Variants in STRADA observed in about 807,000 individuals in gnomAD.
STRADA encodes the protein STE20-related kinase adapter protein alpha.
In STRADA, 26 loss-of-function variants were observed where a neutral mutation model predicts 55.0. The observed-to-expected ratio is 0.47, with a 90% confidence interval of 0.35 to 0.66. The LOEUF is 0.66. Among genes scored for constraint, STRADA ranks in the 30% least tolerant of loss-of-function variants. The pLI is 0.01. For synonymous variants in STRADA, 197 were observed against 210.9 expected (o/e 0.93, Z 0.57); for missense variants, 443 against 549.7 (o/e 0.81, Z 1.94).
chr17:63,722,210 T>C (rs1238987943), intron 4 of STRADA, among the ~76,000 whole-genome samples: 1 of 152,252 alleles, frequency 6.6e-6, no homozygotes, highest in Non-Finnish European at 1.5e-5. Context: ...TTTATTCATT[T>C]TGAAGCATCT....
At chr17:63,733,551 G>A (rs1184822965) in intron 1 of STRADA, among the ~76,000 whole-genome samples, 1 of 152,058 alleles carries the variant, frequency 6.6e-6, no homozygotes, top group African/African-American at 2.4e-5. Flanking sequence ...TTACAGACTG[G>A]GATTCTGCAG....
At chr17:63,706,498 G>A (rs1006790049) in intron 10 of STRADA, 137 bp downstream of exon 10, 3 of 692,048 alleles carry the variant, frequency 4.3e-6, no homozygotes, top group African/African-American at 1.8e-5. Context: ...ATCCCCCACT[G>A]GGTGGGACTT....
At chr17:63,738,652 G>A (rs1415740494) in intron 1 of STRADA, among the ~76,000 whole-genome samples, 1 of 151,590 alleles carries the variant, frequency 6.6e-6, no homozygotes, top group African/African-American at 2.4e-5. Flanking sequence ...GAGCTCCGCA[G>A]TTCCACACTG....
At position 63,710,846 on chromosome 17, in the gene STRADA, A is replaced by G. The variant is rs770206059; in HGVS notation, c.349-10T>C. 3.8e-5 allele frequency: 62 copies of G among 1,613,550 alleles called. No individual in the cohort carries two copies. The highest frequency in any genetic ancestry group is 5.3e-5 in the Non-Finnish European group (62 of 1,179,636). On this transcript the variant is annotated splice_polypyrimidine_tract_variant and intron_variant, in intron 6 of 12. Coordinates refer to ENST00000336174, the MANE Select transcript of STRADA (RefSeq NM_001003787.4). ...AGACATGCAGCTCGCCCTGGAAGCA[A>G]TGATGAAGCTGAAGTCAGAACCAAA...
At chr17:63,707,210 G>A (rs2036153552) in intron 9 of STRADA, 37 bp downstream of exon 9, 4 of 1,607,282 alleles carry the variant, frequency 2.5e-6, no homozygotes, top group Non-Finnish European at 3.4e-6. Flanking sequence ...GGAATCATGA[G>A]TTGGGTAGGG....
At chr17:63,721,148 C>T (rs545752741) in intron 4 of STRADA, among the ~76,000 whole-genome samples, 3 of 150,364 alleles carry the variant, frequency 2.0e-5, no homozygotes, top group South Asian at 2.1e-4. Flanking sequence ...CCGAGGCAGG[C>T]GGATCACAAG....
intron 1 of STRADA, among the ~76,000 whole-genome samples, chr17:63,729,620 A>G (rs1349532595): frequency 6.6e-6 from 1 of 151,854 alleles, no homozygotes; most frequent in Non-Finnish European, 1.5e-5. Flanking sequence ...CCCTGTCTCT[A>G]CTAAAAATAC....
rs560641077 is a variant in STRADA, at chr17:63,731,522, C to T, written c.-44-3109G>A. Among the ~76,000 whole-genome samples the T allele has an allele frequency of 7.2e-5, 11 of 152,092 alleles. 1 individual carries two copies. The South Asian group carries it at 2.1e-3, about 29-fold the overall frequency. ...CTCGTGATCCGTCCGCCTTGGCCTC[C>T]CAAAGTGCTGGGATTACAGGCATGA... On this transcript the variant is annotated intron_variant, in intron 1 of 12. Transcript: ENST00000336174.
intron 1 of STRADA, among the ~76,000 whole-genome samples, chr17:63,740,900 C>G (rs1484201104): frequency 6.6e-6 from 1 of 152,170 alleles, no homozygotes; most frequent in Non-Finnish European, 1.5e-5. Flanking sequence ...GGCAGGTGAT[C>G]AAATTTGGTT....
At position 63,704,931 on chromosome 17, in the gene STRADA, T is replaced by G. The variant is rs1235907298; in HGVS notation, c.859-349A>C. The G allele has an allele frequency of 5.9e-6, 9 of 1,533,836 alleles. No individual in the cohort carries two copies. The South Asian group carries it at 9.5e-5, about 16-fold the overall frequency. On this transcript the variant is annotated intron_variant, in intron 10 of 12. Transcript: ENST00000336174. ...ACCCTAGAGGGAAGGAGCAGTCAGA[T>G]GAACCTGCTTTGAAGCCCAGCCGTC...
chr17:63,714,005 C>G lies in STRADA; in HGVS notation c.226+1G>C. ...AGAGTAAGGACGGCCCCTGCACATACCTATCACAGTGAGCAGCTCGTAACA... is the reference window on the plus strand; with the variant it reads ...AGAGTAAGGACGGCCCCTGCACATAGCTATCACAGTGAGCAGCTCGTAACA... On this transcript the variant is annotated splice_donor_variant, in intron 5 of 12. Transcript: ENST00000336174. LOFTEE classifies it high-confidence loss of function. The G allele has an allele frequency of 6.2e-7, 1 of 1,612,930 alleles. No individual in the cohort carries two copies. The highest frequency in any genetic ancestry group is 2.2e-5 in the East Asian group (1 of 44,862).
chr17:63,728,737 A>T lies in STRADA; in HGVS notation c.-44-324T>A, dbSNP rs1313292638. Among the ~76,000 whole-genome samples the T allele has an allele frequency of 2.1e-4, 3 of 14,376 alleles. 1 individual carries two copies. Among genetic ancestry groups the T allele is most frequent in the African/African-American group, 5.0e-3 (2 of 398 alleles). 9.4% of individuals were successfully genotyped at this position (14,376 alleles called of 152,430 possible). Reference sequence around the variant, plus strand: ...AACATGGTGAAACCCCATCTCTATAAAAAAAAAAAAAAAAAAAAAAAAAGC... The same window carrying T: ...AACATGGTGAAACCCCATCTCTATATAAAAAAAAAAAAAAAAAAAAAAAGC... On this transcript the variant is annotated intron_variant, in intron 1 of 12. Transcript: ENST00000336174.
In STRADA at chr17:63,726,563, T is replaced by C. The variant is rs570156677; in HGVS notation, c.94+75A>G. 11 of 1,437,830 alleles carry C rather than the reference T, an allele frequency of 7.7e-6. No individual in the cohort carries two copies. The East Asian group carries it at 9.3e-5, about 12-fold the overall frequency. The allele number at this position is 1,437,830 out of a possible 1,614,324, so 89.1% of individuals were successfully genotyped here. A position where few individuals can be genotyped will look rare whatever the true frequency, so the allele number is the denominator to read the frequency against. On this transcript the variant is annotated intron_variant, in intron 3 of 12. Coordinates refer to ENST00000336174, the MANE Select transcript of STRADA (RefSeq NM_001003787.4). ...TTGCCCTTAGAATTGCCAATTGCTATAGATTGATTTAGTCAACAAAAAAGT... is the reference window on the plus strand; with the variant it reads ...TTGCCCTTAGAATTGCCAATTGCTACAGATTGATTTAGTCAACAAAAAAGT...
intron 4 of STRADA, among the ~76,000 whole-genome samples, chr17:63,719,836 C>T (rs989535532): frequency 6.6e-6 from 1 of 152,026 alleles, no homozygotes; most frequent in East Asian, 1.9e-4. Context: ...TGCATATAAG[C>T]TTATAAGACA....
At chr17:63,725,060 C>G (rs1455998008) in intron 3 of STRADA, among the ~76,000 whole-genome samples, 1 of 151,890 alleles carries the variant, frequency 6.6e-6, no homozygotes, top group Non-Finnish European at 1.5e-5. Context: ...AACCCTGTCT[C>G]TACTAAAAAT....
intron 10 of STRADA, 38 bp from the exon 11 acceptor site, chr17:63,704,620 TGGGGG>T: frequency 2.1e-5 from 26 of 1,212,480 alleles, no homozygotes; most frequent in Non-Finnish European, 2.4e-5. Context: ...CTGTAGCGGG[TGGGGG>T]GGGGGGGTGG....
intron 3 of STRADA, chr17:63,723,605 AC>A (rs2037455484): frequency 2.6e-6 from 1 of 390,810 alleles, no homozygotes; most frequent in South Asian, 4.9e-5. Flanking sequence ...CTCAACTCTT[AC>A]ATTTCTGGTC....
intron 1 of STRADA, among the ~76,000 whole-genome samples, chr17:63,736,133 G>A (rs1056101337): frequency 6.6e-6 from 1 of 152,000 alleles, no homozygotes. Context: ...GTAGAGACGG[G>A]GCTTAACCAT....
intron 6 of STRADA, among the ~76,000 whole-genome samples, chr17:63,711,314 C>T (rs1028309230): frequency 2.0e-5 from 3 of 152,102 alleles, no homozygotes; most frequent in Admixed American, 6.5e-5. Flanking sequence ...GGATTATAGG[C>T]GTGAGCCACC....
Sources: allele counts gnomAD v4.1 joint callset (sites outside exome capture counted in the v4.1 genomes callset), GRCh38; gene constraint gnomAD v4.1.1; transcripts MANE v1.5; gene names NCBI Gene and HGNC (gene_info 2026-07-23, HGNC 2026-07-21).